The following CYTH3 variants were observed in gnomAD, a reference collection of about 807,000 sequenced individuals.
The protein encoded by CYTH3 is cytohesin 3.
Under a neutral mutation model 55.1 loss-of-function variants are expected in CYTH3, and 23 were observed. That is an observed-to-expected ratio of 0.42 (90% CI 0.30 to 0.59). The LOEUF is 0.59. Ranked by LOEUF, CYTH3 falls within the 20% of genes least tolerant of loss-of-function variation. The pLI is 0.20. For synonymous variants in CYTH3, 249 were observed against 194.9 expected (o/e 1.28, Z -2.31); for missense variants, 413 against 524.8 (o/e 0.79, Z 2.08).
At chr7:6,208,802 C>T (rs975040579) in intron 1 of CYTH3, among the ~76,000 whole-genome samples, 1 of 152,202 alleles carries the variant, frequency 6.6e-6, no homozygotes, top group Non-Finnish European at 1.5e-5. Flanking sequence ...GTTGGGATTA[C>T]AGGTGTGGGT....
intron 4 of CYTH3, among the ~76,000 whole-genome samples, chr7:6,179,748 C>CCA (rs1562881526): frequency 7.6e-4 from 69 of 91,282 alleles, no homozygotes; most frequent in African/African-American, 3.2e-3. Context: ...CCACACACAC[C>CCA]CCACACCCCC....
intron 1 of CYTH3, among the ~76,000 whole-genome samples, chr7:6,259,789 A>AT (rs1780270724): frequency 1.3e-4 from 2 of 15,994 alleles, no homozygotes; most frequent in Non-Finnish European, 1.6e-4. Context: ...TATATAATAT[A>AT]TATATATATA....
At position 6,169,909 on chromosome 7, in the gene CYTH3, C is replaced by T. The variant is rs1001204585; in HGVS notation, c.823+626G>A. 2.0e-5 allele frequency among the ~76,000 whole-genome samples: 3 copies of T among 152,194 alleles called. No homozygotes were observed. Among genetic ancestry groups the T allele is most frequent in the Non-Finnish European group, 4.4e-5 (3 of 68,032 alleles). On this transcript the variant is annotated intron_variant, in intron 9 of 12. Coordinates refer to ENST00000350796, the MANE Select transcript of CYTH3 (RefSeq NM_004227.4). This position sits in a 1 kb window ranked among gnomAD's most constrained non-coding sequence, Gnocchi z 4.1. ...TCCAGGTCCCAGCCACTCTCAGCCC[C>T]GCCCCTGGGGGTGGGTGTAGCATTC...
intron 1 of CYTH3, 141 bp downstream of exon 1, chr7:6,272,333 A>C: frequency 1.4e-6 from 1 of 711,038 alleles, no homozygotes; most frequent in Non-Finnish European, 1.8e-6. Context: ...GGCGTGCCTC[A>C]GGCCTCCAGC....
At position 6,267,056 on chromosome 7, in the gene CYTH3, C is replaced by A. The variant is rs144242548; in HGVS notation, c.34+5418G>T. Reference sequence around the variant, plus strand: ...AATAGTGAGTGAGGACTCCTGAGATCTGGTCGTTTAAGGGCGTGGCATCTC... The same window carrying A: ...AATAGTGAGTGAGGACTCCTGAGATATGGTCGTTTAAGGGCGTGGCATCTC... On this transcript the variant is annotated intron_variant, in intron 1 of 12. Coordinates refer to ENST00000350796, the MANE Select transcript of CYTH3 (RefSeq NM_004227.4). Among the ~76,000 whole-genome samples the A allele has an allele frequency of 6.4e-3, 972 of 152,294 alleles. 4 individuals are homozygous for A. The highest frequency in any genetic ancestry group is 9.1e-3 in the Non-Finnish European group (621 of 68,024).
intron 1 of CYTH3, among the ~76,000 whole-genome samples, chr7:6,245,257 T>C (rs976274872): frequency 1.3e-5 from 2 of 152,118 alleles, no homozygotes. Flanking sequence ...TTGAGTTGTT[T>C]GTAGTTTTAG....
At chr7:6,213,500 A>G (rs1562390950) in intron 1 of CYTH3, among the ~76,000 whole-genome samples, 1 of 152,112 alleles carries the variant, frequency 6.6e-6, no homozygotes, top group Non-Finnish European at 1.5e-5. Context: ...TCTTTGCAAT[A>G]CAATCTCAAT....
intron 1 of CYTH3, among the ~76,000 whole-genome samples, chr7:6,249,741 CA>C (rs1350493284): frequency 6.6e-6 from 1 of 152,146 alleles, no homozygotes; most frequent in Non-Finnish European, 1.5e-5. Context: ...ATACAATTGA[CA>C]ACTAAAAATT....
intron 1 of CYTH3, among the ~76,000 whole-genome samples, chr7:6,260,713 G>T (rs1051286593): frequency 4.6e-5 from 7 of 152,076 alleles, no homozygotes; most frequent in Non-Finnish European, 7.4e-5. Flanking sequence ...AATCTTCAAG[G>T]CTTCCTAGGC....
intron 1 of CYTH3, among the ~76,000 whole-genome samples, chr7:6,214,151 G>A (rs537113738): frequency 2.2e-4 from 33 of 152,284 alleles, no homozygotes; most frequent in Non-Finnish European, 4.1e-4. Context: ...AAAGTAAGAT[G>A]GATGGATGGA....
chr7:6,234,459 A>C (rs987406949), intron 1 of CYTH3, among the ~76,000 whole-genome samples: 1 of 152,224 alleles, frequency 6.6e-6, no homozygotes, highest in Admixed American at 6.5e-5. Flanking sequence ...CAAAAGGAAC[A>C]CGATTTACTG....
intron 1 of CYTH3, among the ~76,000 whole-genome samples, chr7:6,259,320 T>G (rs1274452408): frequency 2.0e-5 from 3 of 152,186 alleles, no homozygotes; most frequent in Non-Finnish European, 2.9e-5. Context: ...AAGACTACAG[T>G]AATTAACAAT....
Position 6,171,603 on chromosome 7 carries a change from T to G in CYTH3, c.450-289A>C. On this transcript the variant is annotated intron_variant, in intron 6 of 12. Transcript: ENST00000350796. This position sits in a 1 kb window ranked among gnomAD's most constrained non-coding sequence, Gnocchi z 6.7. ...AAGTAAATATCCAGGATCCTGGCACTTCTCTGTCCCCATTGCCACCATCTC... is the reference window on the plus strand; with the variant it reads ...AAGTAAATATCCAGGATCCTGGCACGTCTCTGTCCCCATTGCCACCATCTC... 5.9e-6 allele frequency: 2 copies of G among 338,598 alleles called. No homozygotes were observed. The highest frequency in any genetic ancestry group is 5.8e-6 in the Non-Finnish European group (1 of 173,204). 21.0% of individuals were successfully genotyped at this position (338,598 alleles called of 1,614,324 possible).
At chr7:6,188,009 G>T (rs2189996) in intron 2 of CYTH3, among the ~76,000 whole-genome samples, 75 of 151,218 alleles carry the variant, frequency 5.0e-4, no homozygotes, top group Middle Eastern at 3.4e-3. Context: ...AAGCACACTG[G>T]GGGGGGAATA....
intron 1 of CYTH3, among the ~76,000 whole-genome samples, chr7:6,259,772 T>A (rs4724792): frequency 0.076 from 2,296 of 30,264 alleles, 366 homozygotes; most frequent in East Asian, 0.46. Context: ...TATATATATA[T>A]TATATATATA....
chr7:6,164,956 G>T lies in CYTH3; in HGVS notation c.1188C>A (p.Ala396=). The stretch of plus-strand genomic sequence containing the variant: ...TTAGCCAGGAAAGCTATTTTTTATT[G>T]GCAATCCTTCGTTTCCTCGTTGCCA... ...DMLATRKRRI[A]NKK is the part of the protein sequence containing the mutation. Residue 396 remains alanine (A), a synonymous_variant, in exon 13 of 13, where the codon GCC becomes GCA. Transcript: ENST00000350796. 6.2e-7 allele frequency: 1 copy of T among 1,614,162 alleles called. No individual in the cohort carries two copies. Among genetic ancestry groups the T allele is most frequent in the Non-Finnish European group, 8.5e-7 (1 of 1,180,018 alleles).
intron 3 of CYTH3, 53 bp downstream of exon 3, chr7:6,187,604 G>A (rs1397586940): frequency 6.7e-7 from 1 of 1,488,114 alleles, no homozygotes; most frequent in Non-Finnish European, 9.4e-7. Flanking sequence ...ACTACAGGAT[G>A]GAGGTAGAAA....
intron 1 of CYTH3, among the ~76,000 whole-genome samples, chr7:6,213,863 C>T (rs989414435): frequency 6.6e-5 from 10 of 152,008 alleles, no homozygotes; most frequent in Non-Finnish European, 1.2e-4. Flanking sequence ...GTTCTCTCTG[C>T]CCACCAGGAG....
chr7:6,206,314 G>A (rs923593177), intron 1 of CYTH3, among the ~76,000 whole-genome samples: 1 of 152,214 alleles, frequency 6.6e-6, no homozygotes, highest in Non-Finnish European at 1.5e-5. Flanking sequence ...CAGATGAACT[G>A]AGAACACGAT....
Sources: allele counts gnomAD v4.1 joint callset (sites outside exome capture counted in the v4.1 genomes callset), GRCh38; gene constraint gnomAD v4.1.1; non-coding constraint Gnocchi (gnomAD v3.1); transcripts MANE v1.5; gene names NCBI Gene and HGNC (gene_info 2026-07-23, HGNC 2026-07-21).